YARS2: variants seen among roughly 807,000 people sequenced by gnomAD.
The protein encoded by YARS2 is tyrosyl-tRNA synthetase 2.
YARS2 carries 38 observed loss-of-function variants against 45.0 expected under a neutral mutation model. The observed-to-expected ratio is 0.84, with a 90% CI of 0.65 to 1.11. The LOEUF (loss-of-function observed/expected upper bound fraction) is 1.11. Ranked by LOEUF, YARS2 falls within the 50% of genes least tolerant of loss-of-function variation. The pLI is 0.00. For synonymous variants in YARS2, 287 were observed against 245.1 expected, an observed-to-expected ratio of 1.17 and a Z score of -1.60; for missense variants, 602 against 599.8, an observed-to-expected ratio of 1.00 and a Z score of -0.04.
At chr12:32,748,727 C>T (rs187908220) in intron 4 of YARS2, among the ~76,000 whole-genome samples, 3 of 152,304 alleles carry the variant, frequency 2.0e-5, no homozygotes, top group African/African-American at 2.4e-5. Context: ...CAAAGGGAGA[C>T]AATGGGTGCT....
rs187384054 is a variant in YARS2, at chr12:32,750,505, C to T, written c.1103+214G>A. Among the ~76,000 whole-genome samples the T allele has an allele frequency of 1.4e-3, 210 of 152,250 alleles. 2 individuals carry two copies. The South Asian group carries it at 0.014, about 10-fold the overall frequency. ...CGTGAGCCACCGCGCCCGGCATAGACTAAAAGTTTTTTAAACATCTATCTG... is the reference window on the plus strand; with the variant it reads ...CGTGAGCCACCGCGCCCGGCATAGATTAAAAGTTTTTTAAACATCTATCTG... On this transcript the variant is annotated intron_variant, in intron 3 of 4. Transcript: ENST00000324868.
In YARS2 at chr12:32,750,750, GAA is replaced by G; in HGVS notation, c.1070_1071del (p.Val357AlafsTer10). ...GCAGAATCCAATCCTTCTCGTCCATGAACAAGCTTTGTTACTTCTGCTGCCAG... is the reference window on the plus strand; with the variant it reads ...GCAGAATCCAATCCTTCTCGTCCATGCAAGCTTTGTTACTTCTGCTGCCAG... ...KRLAAEVTKL[V>X]HGREGLDSAK... On this transcript the variant is annotated frameshift_variant, in exon 3 of 5. Transcript: ENST00000324868. LOFTEE classifies it high-confidence loss of function. The G allele has an allele frequency of 4.3e-6, 7 of 1,614,056 alleles. No individual in the cohort carries two copies. The highest frequency in any genetic ancestry group is 5.9e-6 in the Non-Finnish European group (7 of 1,180,018).
At position 32,746,650 on chromosome 12, in the gene YARS2, A is replaced by C. The variant is rs888384632; in HGVS notation, c.*554T>G. ...TCTCCTGGGTTCAAGTGATTCTCGC[A>C]GCTCAGCCTCTTGAGTAGCTGGGGT... is the stretch of plus-strand genomic sequence containing the variant. On this transcript the variant is annotated 3_prime_UTR_variant, in exon 5 of 5. Coordinates refer to ENST00000324868, the MANE Select transcript of YARS2 (RefSeq NM_001040436.3). 2.0e-5 allele frequency: 3 copies of C among 153,758 alleles called. No homozygotes were observed. Among genetic ancestry groups the C allele is most frequent in the African/African-American group, 7.3e-5 (3 of 41,176 alleles). The allele number at this position is 153,758 out of a possible 1,614,324, so 9.5% of individuals were successfully genotyped here. A position where few individuals can be genotyped will look rare whatever the true frequency, so the allele number is the denominator to read the frequency against.
Position 32,750,047 on chromosome 12 carries a change from C to A in YARS2, c.1164G>T (p.Glu388Asp). The A allele has an allele frequency of 6.2e-7, 1 of 1,614,128 alleles. No individual in the cohort carries two copies. The highest frequency in any genetic ancestry group is 8.5e-7 in the Non-Finnish European group (1 of 1,180,040). ...IDALEVMSDQ[E>D]LKELFKEAPF... The stretch of plus-strand genomic sequence containing the variant: ...GAGCTTCTTTAAACAACTCTTTTAA[C>A]TCCTGATCAGACATGACCTCCAGTG... Residue 388 changes from glutamate to aspartate, a missense_variant, in exon 4 of 5, where the codon GAG (glutamate) becomes GAT (aspartate). By Grantham distance (45) the Glu-to-Asp change is conservative. Transcript: ENST00000324868.
Position 32,753,929 on chromosome 12 carries a change from A to C in YARS2, c.936T>G (p.Asp312Glu). The C allele has an allele frequency of 1.3e-5, 21 of 1,614,194 alleles. No homozygotes were observed. Among genetic ancestry groups the C allele is most frequent in the Non-Finnish European group, 1.7e-5 (20 of 1,180,030 alleles). The change falls in exon 2 of 5, where the codon GAT becomes GAG. Residue 312 changes from aspartate (D) to glutamate (E), a missense_variant. Asp to Glu is a conservative substitution (Grantham distance 45). Transcript: ENST00000324868. ...TATTCAGAACTCACCTTTCCACTGA[A>C]TCGTCCGGTTGCCTGACAAAGAATT... ...LYQFFVRQPD[D>E]SVERYLKLFT...
chr12:32,747,154 T>G lies in YARS2; in HGVS notation c.*50A>C. The G allele has an allele frequency of 3.1e-6, 5 of 1,601,504 alleles. No individual in the cohort carries two copies. Among genetic ancestry groups the G allele is most frequent in the African/African-American group, 1.3e-5 (1 of 74,740 alleles). ...TCTGGAGCCAACCCTTCAGAGGTCT[T>G]GAGAATGAATGATGGGTAAGTTTAT... On this transcript the variant is annotated 3_prime_UTR_variant, in exon 5 of 5. Coordinates refer to ENST00000324868, the MANE Select transcript of YARS2 (RefSeq NM_001040436.3).
chr12:32,747,888 A>G (rs1955673365), intron 4 of YARS2, among the ~76,000 whole-genome samples: 1 of 152,110 alleles, frequency 6.6e-6, no homozygotes, highest in Non-Finnish European at 1.5e-5. Flanking sequence ...CAAGAAAAAA[A>G]AAGAAAGACC....
chr12:32,755,510 G>A lies in YARS2; in HGVS notation c.365C>T (p.Pro122Leu), dbSNP rs1281019314. The A allele has an allele frequency of 1.9e-6, 3 of 1,612,500 alleles. No individual in the cohort carries two copies. Among genetic ancestry groups the A allele is most frequent in the East Asian group, 4.5e-5 (2 of 44,822 alleles). ...CTCGCGTTCCTTGGTACGGCCGCTC[G>A]GGTCTCCCAGGCGCGCCGTGGCGCC... ...VGGATARLGDPSGRTKEREAL... is the reference protein window; with the variant it reads ...VGGATARLGDLSGRTKEREAL... The change falls in exon 1 of 5, where the codon CCG becomes CTG. Residue 122 changes from proline (P) to leucine (L), a missense_variant. By Grantham distance (98) the Pro-to-Leu change is moderately conservative (BLOSUM62 -3). Transcript: ENST00000324868.
intron 4 of YARS2, among the ~76,000 whole-genome samples, chr12:32,747,955 A>T (rs1955674290): frequency 6.6e-6 from 1 of 152,216 alleles, no homozygotes; most frequent in Non-Finnish European, 1.5e-5. Flanking sequence ...ATTTCACTGA[A>T]AAAAGAGATA....
At position 32,750,763 on chromosome 12, in the gene YARS2, T is replaced by G. The variant is rs1366969660; in HGVS notation, c.1059A>C (p.Val353=). 6.2e-7 allele frequency: 1 copy of G among 1,614,212 alleles called. No individual in the cohort carries two copies. The highest frequency in any genetic ancestry group is 1.7e-5 in the Admixed American group (1 of 60,024). ...CTTCTCGTCCATGAACAAGCTTTGTTACTTCTGCTGCCAGTCGTTTCTGAG... is the reference window on the plus strand; with the variant it reads ...CTTCTCGTCCATGAACAAGCTTTGTGACTTCTGCTGCCAGTCGTTTCTGAG... ...RGPQKRLAAE[V]TKLVHGREGL... Residue 353 remains valine (V), a synonymous_variant, in exon 3 of 5, where the codon GTA becomes GTC. Coordinates refer to ENST00000324868, the MANE Select transcript of YARS2 (RefSeq NM_001040436.3).
chr12:32,751,733 G>C (rs561442619), intron 2 of YARS2, among the ~76,000 whole-genome samples: 1 of 152,254 alleles, frequency 6.6e-6, no homozygotes, highest in South Asian at 2.1e-4. Flanking sequence ...GCGCAACCTA[G>C]ATCTCTTGCA....
intron 3 of YARS2, 82 bp from the exon 4 acceptor site, chr12:32,750,189 T>C (rs899979154): frequency 2.6e-5 from 40 of 1,555,090 alleles, no homozygotes; most frequent in Non-Finnish European, 3.1e-5. Context: ...AATTATAGAG[T>C]GTCCAAGTTC....
chr12:32,749,389 C>T (rs1266637983), intron 4 of YARS2, among the ~76,000 whole-genome samples: 3 of 152,130 alleles, frequency 2.0e-5, no homozygotes, highest in African/African-American at 7.2e-5. Context: ...GGAGGAAAGA[C>T]TGACTGGGTT....
chr12:32,752,740 C>CAAAAAA (rs56907654), intron 2 of YARS2: 110 of 196,772 alleles, frequency 5.6e-4, no homozygotes, highest in Admixed American at 6.9e-4. Flanking sequence ...GACACTGCCT[C>CAAAAAA]AAAAAAAAAA....
chr12:32,750,949 G>C, intron 2 of YARS2, 75 bp from the exon 3 acceptor site: 26 of 1,540,676 alleles, frequency 1.7e-5, no homozygotes, highest in Non-Finnish European at 2.3e-5. Context: ...TACCCTTTAA[G>C]GTTATCCTGC....
In YARS2 at chr12:32,755,512, G is replaced by A; in HGVS notation, c.363C>T (p.Asp121=). 6.2e-7 allele frequency: 1 copy of A among 1,612,680 alleles called. No individual in the cohort carries two copies. The highest frequency in any genetic ancestry group is 8.5e-7 in the Non-Finnish European group (1 of 1,179,598). Residue 121 remains aspartate, a synonymous_variant, in exon 1 of 5, where the codon GAC becomes GAT. Transcript: ENST00000324868. ...CGCGTTCCTTGGTACGGCCGCTCGG[G>A]TCTCCCAGGCGCGCCGTGGCGCCTC... ...LVGGATARLG[D]PSGRTKEREA...
intron 2 of YARS2, among the ~76,000 whole-genome samples, chr12:32,751,198 C>A (rs1955737938): frequency 6.6e-6 from 1 of 151,568 alleles, no homozygotes. Context: ...TCCCAAGCAG[C>A]CGGGACCACA....
chr12:32,747,276 A>C lies in YARS2; in HGVS notation c.1362T>G (p.Ile454Met). The C allele has an allele frequency of 1.9e-6, 3 of 1,613,932 alleles. No homozygotes were observed. The highest frequency in any genetic ancestry group is 2.5e-6 in the Non-Finnish European group (3 of 1,179,866). The change falls in exon 5 of 5, where the codon ATT (isoleucine) becomes ATG (methionine). Residue 454 changes from isoleucine (I) to methionine (M), a missense_variant. Ile to Met is a conservative substitution (Grantham distance 10, BLOSUM62 1). Transcript: ENST00000324868. ...TAAGTAAGGAAAGTCCATTCTTGAG[A>C]ATATGTTGTCCAACAATTAAAACAC... ...PESVLIVGQH[I>M]LKNGLSLLKI...
Position 32,746,994 on chromosome 12 carries a change from G to A in YARS2, c.*210C>T. The A allele has an allele frequency of 1.9e-6, 1 of 539,388 alleles. No homozygotes were observed. The highest frequency in any genetic ancestry group is 3.3e-6 in the Non-Finnish European group (1 of 306,576). The allele number at this position is 539,388 out of a possible 1,614,324, so 33.4% of individuals were successfully genotyped here. A position where few individuals can be genotyped will look rare whatever the true frequency, so the allele number is the denominator to read the frequency against. On this transcript the variant is annotated 3_prime_UTR_variant, in exon 5 of 5. Transcript: ENST00000324868. ...AATCATGGTTTTCTATGGTAATCAA[G>A]CTTTGTACATCAGAAAATAAAACAT...
Sources: allele counts gnomAD v4.1 joint callset (sites outside exome capture counted in the v4.1 genomes callset), GRCh38; gene constraint gnomAD v4.1.1; transcripts MANE v1.5; gene names NCBI Gene and HGNC (gene_info 2026-07-23, HGNC 2026-07-21).